The following ZDHHC21 variants were observed in gnomAD, a reference collection of about 807,000 sequenced individuals.
ZDHHC21 encodes the protein palmitoyltransferase ZDHHC21.
Under a neutral mutation model 34.6 loss-of-function variants are expected in ZDHHC21, and 15 were observed. The ratio of observed to expected loss-of-function variants is 0.43; its 90% CI spans 0.29 to 0.67. ZDHHC21 has a LOEUF of 0.67. ZDHHC21 is among the 30% of genes least tolerant of loss of function. The pLI is 0.14. For synonymous variants in ZDHHC21, 142 were observed against 101.8 expected (o/e 1.40, Z -2.38); for missense variants, 344 against 327.7 (o/e 1.05, Z -0.38).
intron 7 of ZDHHC21, among the ~76,000 whole-genome samples, chr9:14,653,926 A>C (rs1831713069): frequency 6.6e-6 from 1 of 152,060 alleles, no homozygotes; most frequent in Admixed American, 6.6e-5. Context: ...AGCTGTTTAA[A>C]GATACTGGCA....
chr9:14,637,304 T>C (rs1430920746), intron 8 of ZDHHC21, among the ~76,000 whole-genome samples: 2 of 151,826 alleles, frequency 1.3e-5, no homozygotes, highest in Non-Finnish European at 2.9e-5. Flanking sequence ...CTAGAGTAAA[T>C]GATAAATTCC....
At chr9:14,663,992 T>G (rs897832668) in intron 5 of ZDHHC21, among the ~76,000 whole-genome samples, 1 of 152,098 alleles carries the variant, frequency 6.6e-6, no homozygotes, top group South Asian at 2.1e-4. Context: ...AAACTTTGAA[T>G]TCGGGGGGAG....
intron 7 of ZDHHC21, among the ~76,000 whole-genome samples, chr9:14,640,324 AAGAAAG>A (rs1829117506): frequency 6.7e-6 from 1 of 150,232 alleles, no homozygotes; most frequent in Admixed American, 6.6e-5. Context: ...AAAAAAAAAA[AAGAAAG>A]AAAGAAAAGA....
intron 7 of ZDHHC21, among the ~76,000 whole-genome samples, chr9:14,640,790 T>A (rs138997333): frequency 4.6e-5 from 7 of 152,190 alleles, no homozygotes; most frequent in African/African-American, 1.7e-4. Flanking sequence ...TGAAATGCTG[T>A]GATTTAAAGG....
the ZDHHC21 span, among the ~76,000 whole-genome samples, chr9:14,600,265 T>C: frequency 2.6e-5 from 4 of 152,314 alleles, no homozygotes; most frequent in Admixed American, 2.0e-4. Context: ...CCCCATTGAC[T>C]CAGCCCAACA....
intron 6 of ZDHHC21, among the ~76,000 whole-genome samples, 183 bp downstream of exon 6, chr9:14,662,032 G>A (rs1833491669): frequency 1.3e-5 from 2 of 152,072 alleles, no homozygotes; most frequent in Non-Finnish European, 2.9e-5. Flanking sequence ...GAAAAGATAG[G>A]ATTTCTGTGG....
At chr9:14,602,388 G>A in the ZDHHC21 span, among the ~76,000 whole-genome samples, 1 of 151,960 alleles carries the variant, frequency 6.6e-6, no homozygotes, top group African/African-American at 2.4e-5. Flanking sequence ...CATGAGATGA[G>A]ATGGCCAAAG....
chr9:14,619,080 T>G lies in ZDHHC21; in HGVS notation c.684A>C (p.Pro228=), dbSNP rs762363537. 2 of 1,610,948 alleles carry G rather than the reference T, an allele frequency of 1.2e-6. No homozygotes were observed. Among genetic ancestry groups the G allele is most frequent in the South Asian group, 2.2e-5 (2 of 90,630 alleles). ...AAACTTCTGAGAAGGTCTGCTGCCA[T>G]GGCTTTCGGGGCCTCGATCTACAGA... ...CCEDISRPRK[P]WQQTFSEVFG... The change falls in exon 10 of 10, where the codon CCA becomes CCC. Residue 228 remains proline (P), a synonymous_variant. Coordinates refer to ENST00000380916, the MANE Select transcript of ZDHHC21 (RefSeq NM_178566.6).
At chr9:14,670,020 C>G (rs1465412570) in intron 5 of ZDHHC21, among the ~76,000 whole-genome samples, 1 of 148,574 alleles carries the variant, frequency 6.7e-6, no homozygotes, top group Non-Finnish European at 1.5e-5. Context: ...AACAAATAAA[C>G]AAAAAAAAAC....
At chr9:14,635,588 T>C (rs1355259682) in intron 8 of ZDHHC21, among the ~76,000 whole-genome samples, 1 of 152,198 alleles carries the variant, frequency 6.6e-6, no homozygotes, top group Non-Finnish European at 1.5e-5. Context: ...AGCAAAATTA[T>C]CCTTCATAAA....
chr9:14,647,834 T>G (rs1830534859), intron 7 of ZDHHC21, among the ~76,000 whole-genome samples: 1 of 152,148 alleles, frequency 6.6e-6, no homozygotes, highest in African/African-American at 2.4e-5. Context: ...TATTTCGAAT[T>G]ACTTCTAGGA....
intron 2 of ZDHHC21, 112 bp downstream of exon 2, chr9:14,690,225 G>C (rs1285206470): frequency 2.6e-6 from 1 of 388,878 alleles, no homozygotes; most frequent in Admixed American, 3.4e-5. Flanking sequence ...CACCAAGAGA[G>C]ATTGGTGGGG....
chr9:14,592,363 T>A, the ZDHHC21 span, among the ~76,000 whole-genome samples: 1 of 151,984 alleles, frequency 6.6e-6, no homozygotes, highest in Non-Finnish European at 1.5e-5. Context: ...AAAATATATA[T>A]ATTTATACAT....
rs959329382 is a variant in ZDHHC21, at chr9:14,622,741, T to A, written c.622-3059A>T. ...AACAATCTGTTATATGACTATCTCT[T>A]TTGAGTCTGGAAGTAAGAGCCATTG... On this transcript the variant is annotated intron_variant, in intron 8 of 9. Coordinates refer to ENST00000380916, the MANE Select transcript of ZDHHC21 (RefSeq NM_178566.6). 3 of 985,040 alleles carry A rather than the reference T, an allele frequency of 3.0e-6. No homozygotes were observed. In the African/African-American group the frequency reaches 5.2e-5, roughly 17 times the overall value. 61.0% of individuals were successfully genotyped at this position (985,040 alleles called of 1,614,324 possible).
intron 5 of ZDHHC21, among the ~76,000 whole-genome samples, chr9:14,669,259 T>C (rs1251709563): frequency 1.4e-5 from 2 of 144,938 alleles, no homozygotes; most frequent in Non-Finnish European, 3.1e-5. Flanking sequence ...AAAATGCTCA[T>C]CATCACTGGC....
At chr9:14,609,996 G>A (rs1009509721), downstream of ZDHHC21, among the ~76,000 whole-genome samples, 2 of 152,030 alleles carry the variant, frequency 1.3e-5, no homozygotes, top group Non-Finnish European at 2.9e-5. Context: ...AGGCAGACAT[G>A]AGAGCTTTGC....
At chr9:14,647,996 T>C (rs926494261) in intron 7 of ZDHHC21, among the ~76,000 whole-genome samples, 1 of 152,078 alleles carries the variant, frequency 6.6e-6, no homozygotes, top group African/African-American at 2.4e-5. Context: ...GCAGGCAGAG[T>C]AAACATGTGT....
chr9:14,693,214 C>A lies in ZDHHC21; in HGVS notation c.-225+15G>T. ...GGTGGGGGCGGCCGCTTCGCCCCCG[C>A]GCCTGCACACTCACCGTCGCCGCTG... On this transcript the variant is annotated intron_variant, in intron 1 of 9. Transcript: ENST00000380916. 7.9e-6 allele frequency: 3 copies of A among 381,752 alleles called. No homozygotes were observed. The highest frequency in any genetic ancestry group is 1.8e-5 in the South Asian group (1 of 54,578). 23.6% of individuals were successfully genotyped at this position (381,752 alleles called of 1,614,324 possible).
rs1824298576 is a variant in ZDHHC21 at position 14,616,879 on chromosome 9, G to C, written c.*2087C>G. 1 of 151,786 alleles carries C rather than the reference G, an allele frequency of 6.6e-6. No homozygotes were observed. The highest frequency in any genetic ancestry group is 1.5e-5 in the Non-Finnish European group (1 of 67,818). The allele number at this position is 151,786 out of a possible 1,614,324, so 9.4% of individuals were successfully genotyped here. A position where few individuals can be genotyped will look rare whatever the true frequency, so the allele number is the denominator to read the frequency against. On this transcript the variant is annotated 3_prime_UTR_variant, in exon 10 of 10. Coordinates refer to ENST00000380916, the MANE Select transcript of ZDHHC21 (RefSeq NM_178566.6). ...GACCAGGAAAGGTAAAGAGGAAGAG[G>C]GAAAAGAATATGCCCTAGATGAGGT...
Sources: gnomAD v4.1 joint callset for allele counts (sites outside exome capture counted in the v4.1 genomes callset) on GRCh38, gnomAD v4.1.1 for gene constraint, MANE v1.5 for transcripts, NCBI Gene and HGNC (gene_info 2026-07-23, HGNC 2026-07-21) for gene names.